XIRP2: variants seen among roughly 807,000 people sequenced by gnomAD.
The protein encoded by XIRP2 is xin actin binding repeat containing 2.
In XIRP2, 236 loss-of-function variants were observed where a neutral mutation model predicts 277.0. The ratio of observed to expected loss-of-function variants is 0.85; its 90% confidence interval spans 0.77 to 0.95. The LOEUF (loss-of-function observed/expected upper bound fraction) is 0.95, where lower values mean the gene tolerates loss of function less well. Among genes scored for constraint, XIRP2 ranks in the 40% least tolerant of loss-of-function variants. The pLI is 0.00. For synonymous variants in XIRP2, 1,490 were observed against 1,416.5 expected (o/e 1.05, Z -1.17); for missense variants, 4,640 against 4,157.5 (o/e 1.12, Z -3.19).
chr2:167,250,181 T>G lies in XIRP2; in HGVS notation c.8789T>G (p.Val2930Gly). The G allele has an allele frequency of 6.2e-7, 1 of 1,613,360 alleles. No homozygotes were observed. Among genetic ancestry groups the G allele is most frequent in the East Asian group, 2.2e-5 (1 of 44,828 alleles). Residue 2930 changes from valine to glycine, a missense_variant, in exon 9 of 11, where the codon GTG becomes GGG. Val to Gly is a moderately radical substitution (Grantham distance 109). Coordinates refer to ENST00000409195, the MANE Select transcript of XIRP2 (RefSeq NM_152381.6). ...ITQNKSFFSS[V>G]KESQRDDGKG... ...CAGAACAAATCTTTCTTTTCCTCTGTGAAAGAATCCCAGCGGGATGATGGA... is the reference window on the plus strand; with the variant it reads ...CAGAACAAATCTTTCTTTTCCTCTGGGAAAGAATCCCAGCGGGATGATGGA...
chr2:166,930,752 C>T lies in XIRP2; in HGVS notation c.408+26862C>T, dbSNP rs538851892. The stretch of plus-strand genomic sequence containing the variant: ...AGCAAAAATAATTGCAGTTGAAATT[C>T]TGCTTTTTTCCTGCTATTTTCTCTT... On this transcript the variant is annotated intron_variant, in intron 2 of 10. Coordinates refer to ENST00000409195, the MANE Select transcript of XIRP2 (RefSeq NM_152381.6). Among the ~76,000 whole-genome samples, 533 of 152,200 alleles carry T rather than the reference C, an allele frequency of 3.5e-3. 5 individuals carry two copies. The highest frequency in any genetic ancestry group is 0.012 in the African/African-American group (514 of 41,556).
chr2:167,183,513 T>C (rs1262530123), intron 3 of XIRP2, among the ~76,000 whole-genome samples: 1 of 152,214 alleles, frequency 6.6e-6, no homozygotes, highest in Non-Finnish European at 1.5e-5. Context: ...TATTTTGCTA[T>C]TTACAATCTG....
At chr2:167,168,650 T>C (rs922863439) in intron 3 of XIRP2, among the ~76,000 whole-genome samples, 2 of 152,252 alleles carry the variant, frequency 1.3e-5, no homozygotes, top group Non-Finnish European at 2.9e-5. Context: ...AGTCTCGCTC[T>C]GTCGCCCAGG....
intron 2 of XIRP2, among the ~76,000 whole-genome samples, chr2:167,131,729 C>G (rs1009325798): frequency 1.3e-5 from 2 of 152,056 alleles, no homozygotes; most frequent in African/African-American, 4.8e-5. Flanking sequence ...ATATACTCTC[C>G]CCCTAAGCAA....
chr2:167,231,652 A>C (rs1200042527), intron 5 of XIRP2, among the ~76,000 whole-genome samples: 2 of 151,798 alleles, frequency 1.3e-5, no homozygotes, highest in Non-Finnish European at 2.9e-5. Context: ...AACTGCAAAT[A>C]CCATACACTC....
intron 2 of XIRP2, among the ~76,000 whole-genome samples, chr2:166,930,514 T>C (rs1685306585): frequency 6.6e-6 from 1 of 152,162 alleles, no homozygotes; most frequent in South Asian, 2.1e-4. Context: ...TAATAGGTGC[T>C]CAATAAATTG....
chr2:167,164,971 T>A (rs1489517561), intron 3 of XIRP2, among the ~76,000 whole-genome samples: 1 of 152,112 alleles, frequency 6.6e-6, no homozygotes, highest in Non-Finnish European at 1.5e-5. Context: ...CCCTAAAAAT[T>A]CTTTATATCC....
At chr2:166,975,258 A>T (rs1686680415) in intron 2 of XIRP2, among the ~76,000 whole-genome samples, 1 of 152,348 alleles carries the variant, frequency 6.6e-6, no homozygotes, top group South Asian at 2.1e-4. Context: ...AAAATCAGTC[A>T]AGAATCAAAA....
intron 3 of XIRP2, among the ~76,000 whole-genome samples, chr2:167,184,160 G>C (rs1199554623): frequency 6.6e-6 from 1 of 152,090 alleles, no homozygotes; most frequent in Non-Finnish European, 1.5e-5. Context: ...ACCTTTGCTG[G>C]TTCATCTGTC....
At chr2:166,909,988 T>C (rs1684653602) in intron 2 of XIRP2, among the ~76,000 whole-genome samples, 1 of 152,246 alleles carries the variant, frequency 6.6e-6, no homozygotes, top group Admixed American at 6.5e-5. Context: ...GATAAGCTTT[T>C]TGATGTGCTG....
chr2:166,904,203 A>G (rs926772309), intron 2 of XIRP2, among the ~76,000 whole-genome samples: 1 of 152,138 alleles, frequency 6.6e-6, no homozygotes, highest in African/African-American at 2.4e-5. Context: ...AACAATTTCT[A>G]ACCACTCTTT....
chr2:166,934,855 A>AT (rs989603050), intron 2 of XIRP2, among the ~76,000 whole-genome samples: 5 of 149,350 alleles, frequency 3.3e-5, no homozygotes, highest in Non-Finnish European at 7.4e-5. Context: ...AAAAATAAAA[A>AT]AAAAATTTTT....
In XIRP2 at chr2:167,248,594, C is replaced by T. The variant is rs753576518; in HGVS notation, c.7202C>T (p.Ala2401Val). ...ATGCAACAATATTCCCAAAAAGAAG[C>T]CTCGAACTCTCAGAATTCTCAGGCT... is the stretch of plus-strand genomic sequence containing the variant. Reference protein sequence around the residue: ...DFMQQYSQKEASNSQNSQAKI... With the variant: ...DFMQQYSQKEVSNSQNSQAKI... The change falls in exon 9 of 11, where the codon GCC (alanine) becomes GTC (valine). Residue 2401 changes from alanine to valine, a missense_variant. Transcript: ENST00000409195. 6.2e-7 allele frequency: 1 copy of T among 1,613,732 alleles called. No individual in the cohort carries two copies.
Position 167,240,684 on chromosome 2 carries a change from C to T in XIRP2, c.990C>T (p.His330=). The change falls in exon 7 of 11, where the codon CAC becomes CAT. Residue 330 remains histidine, a synonymous_variant. Transcript: ENST00000409195. ...GTEMVSHLEK[H]TEEVNQASQF... is the part of the protein sequence containing the mutation. ...TACAGGTCTCTCATCTTGAAAAGCA[C>T]ACCGAGGAAGTAAACCAAGCATCTC... 6.2e-7 allele frequency: 1 copy of T among 1,613,830 alleles called. No individual in the cohort carries two copies. Among genetic ancestry groups the T allele is most frequent in the Non-Finnish European group, 8.5e-7 (1 of 1,179,870 alleles).
At chr2:166,975,701 A>G (rs947962494) in intron 2 of XIRP2, among the ~76,000 whole-genome samples, 35 of 151,978 alleles carry the variant, frequency 2.3e-4, no homozygotes, top group Admixed American at 2.0e-3. Flanking sequence ...CAAGGCGGGC[A>G]GATCACGAGG....
chr2:167,253,936 C>T, intron 9 of XIRP2, 96 bp from the exon 10 acceptor site: 4 of 1,376,488 alleles, frequency 2.9e-6, no homozygotes, highest in Non-Finnish European at 3.9e-6. Flanking sequence ...TCTACTTTAA[C>T]CGCATGGCCA....
Position 167,254,078 on chromosome 2 carries a change from C to CA in XIRP2, c.10603dup (p.Ser3535LysfsTer8). ...GAAATATGTATACTTTGTCAAAAGA[C>CA]AGTTTATCCAATGGAGTGCCTAGTG... On this transcript the variant is annotated frameshift_variant, in exon 10 of 11. Coordinates refer to ENST00000409195, the MANE Select transcript of XIRP2 (RefSeq NM_152381.6). LOFTEE classifies it high-confidence loss of function. 6.2e-7 allele frequency: 1 copy of CA among 1,609,200 alleles called. No homozygotes were observed. Among genetic ancestry groups the CA allele is most frequent in the Non-Finnish European group, 8.5e-7 (1 of 1,177,510 alleles).
chr2:166,940,560 C>T (rs776595844), intron 2 of XIRP2, among the ~76,000 whole-genome samples: 2 of 152,100 alleles, frequency 1.3e-5, no homozygotes, highest in Non-Finnish European at 2.9e-5. Context: ...CTCTGTTTTT[C>T]CCCCATCTTT....
chr2:167,041,726 CAG>C (rs144536666), intron 2 of XIRP2, among the ~76,000 whole-genome samples: 61 of 149,190 alleles, frequency 4.1e-4, no homozygotes, highest in Non-Finnish European at 4.0e-4. Context: ...AAGACAGAGA[CAG>C]AGAGAGAGAG....
Sources: gnomAD v4.1 joint callset for allele counts (sites outside exome capture counted in the v4.1 genomes callset) on GRCh38, gnomAD v4.1.1 for gene constraint, MANE v1.5 for transcripts, NCBI Gene and HGNC (gene_info 2026-07-23, HGNC 2026-07-21) for gene names.